Variants in BET1 observed in about 807,000 individuals in gnomAD.
BET1 encodes the protein BET1 homolog.
A neutral mutation model predicts 13.9 loss-of-function variants in BET1; 9 were observed. That is an observed-to-expected ratio of 0.65 (90% CI 0.39 to 1.13). The LOEUF is 1.13. BET1 is among the 50% of genes most tolerant of loss of function. The probability of loss-of-function intolerance (pLI) is 0.01; values close to 1 mark genes in which losing one functional copy is unlikely to be tolerated. For missense variants in BET1, 127 were observed against 133.6 expected (o/e 0.95, Z 0.24); for synonymous variants, 39 against 47.3 (o/e 0.82, Z 0.72).
chr7:93,993,707 A>G lies in BET1; in HGVS notation c.*523T>C, dbSNP rs927660069. On this transcript the variant is annotated 3_prime_UTR_variant, in exon 4 of 4. Coordinates refer to ENST00000222547, the MANE Select transcript of BET1 (RefSeq NM_005868.6). Reference sequence around the variant, plus strand: ...GGGGTCATTATCATCAAAAATTATTAGGAAGATTGTAGGTAAAAAGAAATC... The same window carrying G: ...GGGGTCATTATCATCAAAAATTATTGGGAAGATTGTAGGTAAAAAGAAATC... 7.4e-7 allele frequency: 1 copy of G among 1,355,716 alleles called. No individual in the cohort carries two copies. The highest frequency in any genetic ancestry group is 1.5e-5 in the African/African-American group (1 of 67,156). The allele number at this position is 1,355,716 out of a possible 1,614,324, so 84.0% of individuals were successfully genotyped here. A position where few individuals can be genotyped will look rare whatever the true frequency, so the allele number is the denominator to read the frequency against.
intron 2 of BET1, among the ~76,000 whole-genome samples, chr7:93,997,453 T>TG (rs1032670407): frequency 3.3e-5 from 5 of 152,128 alleles, no homozygotes; most frequent in South Asian, 2.1e-4. Flanking sequence ...TTATCTACAT[T>TG]GGGGGGGTTT....
At chr7:93,980,471 G>C (rs1584131248) in intron 4 of BET1, among the ~76,000 whole-genome samples, 1 of 152,054 alleles carries the variant, frequency 6.6e-6, no homozygotes, top group South Asian at 2.1e-4. Flanking sequence ...GGGATTCAAG[G>C]GTGGTTCAAC....
chr7:93,987,350 C>A (rs1022875342), intron 4 of BET1: 21 of 152,146 alleles, frequency 1.4e-4, no homozygotes, highest in African/African-American at 4.8e-4. Context: ...TATGCCTCTA[C>A]AAAACCATTT....
chr7:93,966,081 G>A (rs1305608483), intron 6 of BET1, among the ~76,000 whole-genome samples: 1 of 151,928 alleles, frequency 6.6e-6, no homozygotes, highest in Non-Finnish European at 1.5e-5. Context: ...AATATTAATG[G>A]TGGTCACTGA....
At chr7:93,987,312 T>A (rs947564857) in intron 4 of BET1, 1 of 152,142 alleles carries the variant, frequency 6.6e-6, no homozygotes, top group Non-Finnish European at 1.5e-5. Context: ...ATTAATCAAA[T>A]GCCGGCAGTT....
intron 1 of BET1, chr7:93,999,558 C>T (rs1428950164): frequency 4.3e-6 from 2 of 462,240 alleles, no homozygotes; most frequent in Non-Finnish European, 8.1e-6. Flanking sequence ...CCAGAAGATA[C>T]AAAAATAGGT....
chr7:93,968,175 C>A (rs142489292), intron 6 of BET1, among the ~76,000 whole-genome samples: 2 of 151,866 alleles, frequency 1.3e-5, no homozygotes, highest in Non-Finnish European at 3.0e-5. Flanking sequence ...ACATAACTAA[C>A]CAAATATAAT....
At chr7:93,974,734 A>G (rs941616445) in intron 5 of BET1, among the ~76,000 whole-genome samples, 1 of 152,032 alleles carries the variant, frequency 6.6e-6, no homozygotes, top group Non-Finnish European at 1.5e-5. Flanking sequence ...CACCATTAGA[A>G]CACCACTAAT....
intron 4 of BET1, among the ~76,000 whole-genome samples, chr7:93,983,328 T>C (rs1388671754): frequency 1.3e-5 from 2 of 152,202 alleles, no homozygotes; most frequent in Admixed American, 6.6e-5. Context: ...TCAACTCTTG[T>C]CTTTAAAATA....
At chr7:93,964,195 G>A (rs1363994554) in exon 7 of BET1, 2 of 152,114 alleles carry the variant, frequency 1.3e-5, no homozygotes, top group East Asian at 1.9e-4. Flanking sequence ...ATGATGCTGA[G>A]GTTTGAGATA....
chr7:93,992,877 C>T, downstream of BET1: 3 of 984,278 alleles, frequency 3.0e-6, no homozygotes, highest in Non-Finnish European at 3.6e-6. Flanking sequence ...CAAACCAGTG[C>T]CTCTCCCATC....
chr7:93,992,472 C>A, downstream of BET1: 3 of 985,310 alleles, frequency 3.0e-6, no homozygotes, highest in Non-Finnish European at 3.6e-6. Context: ...TTCTGCTCTT[C>A]CCGTTTTTCA....
intron 6 of BET1, among the ~76,000 whole-genome samples, chr7:93,968,739 A>G (rs773282968): frequency 1.3e-5 from 2 of 151,780 alleles, no homozygotes; most frequent in African/African-American, 2.4e-5. Context: ...TTTGAAATTT[A>G]TAATCTGTTA....
intron 4 of BET1, among the ~76,000 whole-genome samples, chr7:93,984,227 T>C (rs916721987): frequency 6.6e-6 from 1 of 152,124 alleles, no homozygotes; most frequent in Non-Finnish European, 1.5e-5. Flanking sequence ...TCTGTGCCCA[T>C]CAAATGTCCT....
chr7:93,998,390 T>C (rs1409757088), intron 2 of BET1, among the ~76,000 whole-genome samples: 4 of 152,116 alleles, frequency 2.6e-5, no homozygotes, highest in African/African-American at 9.7e-5. Context: ...GTTCTTCCAA[T>C]AGTTCAACTA....
intron 6 of BET1, among the ~76,000 whole-genome samples, chr7:93,971,276 A>C (rs1795255217): frequency 1.3e-5 from 2 of 151,944 alleles, no homozygotes; most frequent in Middle Eastern, 3.4e-3. Context: ...TGCTAAAAGC[A>C]ATGTGCCCTT....
intron 6 of BET1, among the ~76,000 whole-genome samples, chr7:93,971,016 A>T (rs1795251480): frequency 6.6e-6 from 1 of 151,796 alleles, no homozygotes. Flanking sequence ...AATTACTTAT[A>T]ATAGCAAGTA....
chr7:93,984,164 G>A (rs1364769364), intron 4 of BET1, among the ~76,000 whole-genome samples: 1 of 152,092 alleles, frequency 6.6e-6, no homozygotes, highest in Non-Finnish European at 1.5e-5. Flanking sequence ...TGCTTTGCTT[G>A]TAGGCATATT....
At chr7:93,989,872 CAA>C (rs1290791606), downstream of BET1, among the ~76,000 whole-genome samples, 1 of 152,052 alleles carries the variant, frequency 6.6e-6, no homozygotes, top group Non-Finnish European at 1.5e-5. Flanking sequence ...TAAATGCAGA[CAA>C]AGAGTTTAAG....
Sources: allele counts gnomAD v4.1 joint callset (sites outside exome capture counted in the v4.1 genomes callset), GRCh38; gene constraint gnomAD v4.1.1; transcripts MANE v1.5; gene names NCBI Gene and HGNC (gene_info 2026-07-23, HGNC 2026-07-21).